The following DYNC2H1 variants were observed in gnomAD, a reference collection of about 807,000 sequenced individuals.
DYNC2H1 encodes the protein cytoplasmic dynein 2 heavy chain 1.
A neutral mutation model predicts 570.0 loss-of-function variants in DYNC2H1; 410 were observed. The observed-to-expected ratio is 0.72, with a 90% CI of 0.66 to 0.78. The LOEUF (loss-of-function observed/expected upper bound fraction) is 0.78. Ranked by LOEUF, DYNC2H1 falls within the 30% of genes least tolerant of loss-of-function variation. The pLI is 0.00. For missense variants in DYNC2H1, 4,865 were observed against 5,046.4 expected, an observed-to-expected ratio of 0.96 and a Z score of 1.09; for synonymous variants, 1,688 against 1,677.6, an observed-to-expected ratio of 1.01 and a Z score of -0.15.
rs771937931 is a variant in DYNC2H1, at chr11:103,186,002, TATAA to T, written c.6634-232_6634-229del. ...AATGGAATATATTTATACCTTAGTGTATAAATAAATATCCACTATGTCATTATCT... is the reference window on the plus strand; with the variant it reads ...AATGGAATATATTTATACCTTAGTGTATAAATATCCACTATGTCATTATCT... On this transcript the variant is annotated intron_variant, in intron 41 of 88. Coordinates refer to ENST00000375735, the MANE Select transcript of DYNC2H1 (RefSeq NM_001377.3). The surrounding 1 kb of genome is among the most constrained non-coding windows in gnomAD (Gnocchi z 4.5). 7.6e-4 allele frequency among the ~76,000 whole-genome samples: 115 copies of T among 151,980 alleles called. 3 individuals carry two copies. Among genetic ancestry groups the T allele is most frequent in the Non-Finnish European group, 1.3e-4 (9 of 67,942 alleles).
intron 84 of DYNC2H1, among the ~76,000 whole-genome samples, chr11:103,429,760 G>A (rs1034060860): frequency 5.3e-5 from 8 of 152,218 alleles, no homozygotes; most frequent in Non-Finnish European, 8.8e-5. Flanking sequence ...AGGAGTTAGT[G>A]ATAATCTTAA....
rs1252682879 is a variant in DYNC2H1, at chr11:103,395,447, G to A, written c.12157-4216G>A. ...ATCATGTATGTTACATATGATCATTGTATCACTGATATACATATATATCAT... is the reference window on the plus strand; with the variant it reads ...ATCATGTATGTTACATATGATCATTATATCACTGATATACATATATATCAT... On this transcript the variant is annotated intron_variant, in intron 83 of 88. Transcript: ENST00000375735. The surrounding 1 kb of genome is among the most constrained non-coding windows in gnomAD (Gnocchi z 4.3). 6.7e-6 allele frequency among the ~76,000 whole-genome samples: 1 copy of A among 150,234 alleles called. No homozygotes were observed. Among genetic ancestry groups the A allele is most frequent in the Non-Finnish European group, 1.5e-5 (1 of 67,746 alleles).
At chr11:103,303,351 AT>A in intron 76 of DYNC2H1, 98 bp downstream of exon 76, 1 of 1,311,396 alleles carries the variant, frequency 7.6e-7, no homozygotes, top group Non-Finnish European at 1.0e-6. Flanking sequence ...GATAAGCCAA[AT>A]AATGCCCCCA....
Position 103,243,284 on chromosome 11 carries a change from GATAGATAGATAGATAGATAGATAA to G in DYNC2H1, c.9820-403_9820-380del, listed in dbSNP as rs879489334. On this transcript the variant is annotated intron_variant, in intron 63 of 88. Coordinates refer to ENST00000375735, the MANE Select transcript of DYNC2H1 (RefSeq NM_001377.3). The surrounding 1 kb of genome is among the most constrained non-coding windows in gnomAD (Gnocchi z 4.8). ...AGATAGATAGATAGATAGATAGATA[GATAGATAGATAGATAGATAGATAA>G]ATAGAGAATAATTTGACTGTGTATT... Among the ~76,000 whole-genome samples the G allele has an allele frequency of 4.1e-3, 576 of 140,654 alleles. 1 individual carries two copies. Among genetic ancestry groups the G allele is most frequent in the Non-Finnish European group, 6.8e-3 (443 of 64,722 alleles). 92.3% of individuals were successfully genotyped at this position (140,654 alleles called of 152,430 possible).
intron 12 of DYNC2H1, among the ~76,000 whole-genome samples, chr11:103,128,020 A>G (rs2134746025): frequency 6.6e-6 from 1 of 152,380 alleles, no homozygotes; most frequent in East Asian, 1.9e-4. Context: ...GACATAAAGT[A>G]GGCAAAAGAA....
chr11:103,424,480 A>G (rs1206263905), intron 84 of DYNC2H1, among the ~76,000 whole-genome samples: 4 of 152,190 alleles, frequency 2.6e-5, no homozygotes, highest in Admixed American at 6.5e-5. Context: ...AAGAGAAACG[A>G]AAGCATATGC....
intron 79 of DYNC2H1, among the ~76,000 whole-genome samples, chr11:103,314,723 ATG>A (rs1021479420): frequency 3.9e-5 from 6 of 151,908 alleles, no homozygotes; most frequent in Non-Finnish European, 7.4e-5. Flanking sequence ...CTGGAGGTAA[ATG>A]TAGACAAAAT....
At chr11:103,381,251 C>G (rs1941633188) in intron 83 of DYNC2H1, among the ~76,000 whole-genome samples, 2 of 152,050 alleles carry the variant, frequency 1.3e-5, no homozygotes, top group Non-Finnish European at 2.9e-5. Flanking sequence ...GTAGAATCAG[C>G]CTTCACAGAG....
rs185908058 is a variant in DYNC2H1 at position 103,472,070 on chromosome 11, G to A, written c.12765+3365G>A. On this transcript the variant is annotated intron_variant, in intron 88 of 88. Coordinates refer to ENST00000375735, the MANE Select transcript of DYNC2H1 (RefSeq NM_001377.3). The surrounding 1 kb of genome is among the most constrained non-coding windows in gnomAD (Gnocchi z 4.1). ...ATATATGCAGATAGAAAAGAGCTTA[G>A]GATATTCTGGGAACAGCAAGTATTG... is the stretch of plus-strand genomic sequence containing the variant. 6.6e-6 allele frequency among the ~76,000 whole-genome samples: 1 copy of A among 152,294 alleles called. No homozygotes were observed. The highest frequency in any genetic ancestry group is 1.9e-4 in the East Asian group (1 of 5,186).
At chr11:103,154,254 T>C (rs1860702918) in intron 22 of DYNC2H1, among the ~76,000 whole-genome samples, 197 bp from the exon 23 acceptor site, 1 of 152,044 alleles carries the variant, frequency 6.6e-6, no homozygotes, top group Non-Finnish European at 1.5e-5. Flanking sequence ...GTAGGTAAAG[T>C]AAAATTCTCA....
chr11:103,199,557 GTTTAAAGAACTAAAGTTTTAAAGAACATC>G lies in DYNC2H1; in HGVS notation c.8088+99_8088+127del. ...TCTAAACATCTTTAAAGACCTAAAGGTTTAAAGAACTAAAGTTTTAAAGAACATCTTTAAAGAACTAAAGTTCTCTGTTA... is the reference window on the plus strand; with the variant it reads ...TCTAAACATCTTTAAAGACCTAAAGGTTTAAAGAACTAAAGTTCTCTGTTA... On this transcript the variant is annotated intron_variant, in intron 49 of 88. Coordinates refer to ENST00000375735, the MANE Select transcript of DYNC2H1 (RefSeq NM_001377.3). This position sits in a 1 kb window ranked among gnomAD's most constrained non-coding sequence, Gnocchi z 4.6. 1.5e-6 allele frequency: 2 copies of G among 1,310,568 alleles called. No homozygotes were observed. The highest frequency in any genetic ancestry group is 2.0e-6 in the Non-Finnish European group (2 of 1,009,002). 81.2% of individuals were successfully genotyped at this position (1,310,568 alleles called of 1,614,324 possible). A position where few individuals can be genotyped will look rare whatever the true frequency, so the allele number is the denominator to read the frequency against.
chr11:103,341,709 C>G (rs1344730708), intron 82 of DYNC2H1, among the ~76,000 whole-genome samples: 1 of 152,072 alleles, frequency 6.6e-6, no homozygotes, highest in Non-Finnish European at 1.5e-5. Flanking sequence ...TAAAATCTGG[C>G]CCAAATAGAG....
chr11:103,353,479 T>C (rs1565520354), intron 82 of DYNC2H1, among the ~76,000 whole-genome samples: 1 of 152,214 alleles, frequency 6.6e-6, no homozygotes, highest in Non-Finnish European at 1.5e-5. Flanking sequence ...CTGTATCTTC[T>C]GGTAATTTTA....
In DYNC2H1 at chr11:103,129,083, C is replaced by T; in HGVS notation, c.1953+78C>T. 1 of 1,214,988 alleles carries T rather than the reference C, an allele frequency of 8.2e-7. No homozygotes were observed. The highest frequency in any genetic ancestry group is 1.2e-6 in the Non-Finnish European group (1 of 861,884). 75.3% of individuals were successfully genotyped at this position (1,214,988 alleles called of 1,614,324 possible). On this transcript the variant is annotated intron_variant, in intron 13 of 88. Coordinates refer to ENST00000375735, the MANE Select transcript of DYNC2H1 (RefSeq NM_001377.3). This position sits in a 1 kb window ranked among gnomAD's most constrained non-coding sequence, Gnocchi z 4.1. ...ATTCTTAATTTTCCGGTGTTCCCTTCAGCTTAATATATCAAATGATCTAGA... is the reference window on the plus strand; with the variant it reads ...ATTCTTAATTTTCCGGTGTTCCCTTTAGCTTAATATATCAAATGATCTAGA...
At chr11:103,460,607 G>C (rs1944976943) in intron 87 of DYNC2H1, among the ~76,000 whole-genome samples, 1 of 150,860 alleles carries the variant, frequency 6.6e-6, no homozygotes, top group Non-Finnish European at 1.5e-5. Context: ...ACAGTTATGA[G>C]TAGACTTCAA....
At position 103,171,079 on chromosome 11, in the gene DYNC2H1, T is replaced by C. The variant is rs781226312; in HGVS notation, c.5334+11T>C. The C allele has an allele frequency of 2.6e-6, 4 of 1,547,544 alleles. No individual in the cohort carries two copies. In the Middle Eastern group the frequency reaches 5.2e-4, roughly 201 times the overall value. On this transcript the variant is annotated intron_variant, in intron 34 of 88. Coordinates refer to ENST00000375735, the MANE Select transcript of DYNC2H1 (RefSeq NM_001377.3). ...CTGCTTGGCAAGGAGGTATAGAATA[T>C]GTTGGGAATTTAAAGAATTAAAATA...
At chr11:103,320,157 G>A (rs1171039895) in intron 80 of DYNC2H1, among the ~76,000 whole-genome samples, 4 of 152,166 alleles carry the variant, frequency 2.6e-5, no homozygotes, top group Non-Finnish European at 5.9e-5. Context: ...CCACAAAATT[G>A]TGATGACAAG....
chr11:103,425,342 C>T (rs1411236945), intron 84 of DYNC2H1, among the ~76,000 whole-genome samples: 18 of 152,130 alleles, frequency 1.2e-4, no homozygotes, highest in East Asian at 1.9e-4. Flanking sequence ...AATCTAAGAT[C>T]GGGTGCCAGC....
chr11:103,430,563 C>G (rs571081779), intron 84 of DYNC2H1, among the ~76,000 whole-genome samples: 9 of 152,156 alleles, frequency 5.9e-5, no homozygotes, highest in African/African-American at 2.2e-4. Context: ...TAAAAAAAAT[C>G]CAAATTGTTG....
Sources: gnomAD v4.1 joint callset for allele counts (sites outside exome capture counted in the v4.1 genomes callset) on GRCh38, gnomAD v4.1.1 for gene constraint, Gnocchi (gnomAD v3.1) non-coding constraint, MANE v1.5 for transcripts, NCBI Gene and HGNC (gene_info 2026-07-23, HGNC 2026-07-21) for gene names.